SULF2: variants seen among roughly 807,000 people sequenced by gnomAD.
The protein encoded by SULF2 is extracellular sulfatase Sulf-2.
In SULF2, 52 loss-of-function variants were observed where a neutral mutation model predicts 107.7. The ratio of observed to expected loss-of-function variants is 0.48; its 90% confidence interval spans 0.39 to 0.61. The LOEUF is 0.61. Ranked by LOEUF, SULF2 falls within the 20% of genes least tolerant of loss-of-function variation. The pLI is 0.00. For missense variants in SULF2, 993 were observed against 1,177.3 expected (o/e 0.84, Z 2.29); for synonymous variants, 460 against 464.3 (o/e 0.99, Z 0.12).
At chr20:47,691,715 A>G (rs1306775664) in intron 4 of SULF2, among the ~76,000 whole-genome samples, 1 of 152,200 alleles carries the variant, frequency 6.6e-6, no homozygotes, top group East Asian at 1.9e-4. Flanking sequence ...CAGAAATGAT[A>G]TAAGGAGCAG....
intron 2 of SULF2, among the ~76,000 whole-genome samples, chr20:47,752,565 TAAAA>T (rs11319849): frequency 0.045 from 5,968 of 132,128 alleles, 166 homozygotes; most frequent in Non-Finnish European, 0.066. Context: ...AGCCCATCTC[TAAAA>T]AAAAAAAAAA....
chr20:47,785,302 G>A (rs1194040651), intron 1 of SULF2, 41 bp downstream of exon 1: 4 of 42,974 alleles, frequency 9.3e-5, no homozygotes, highest in African/African-American at 3.8e-4. Flanking sequence ...CCCGAGCCCC[G>A]CGTCCCCCAG....
chr20:47,701,035 C>T (rs2088551125), intron 4 of SULF2, among the ~76,000 whole-genome samples: 1 of 152,182 alleles, frequency 6.6e-6, no homozygotes, highest in Non-Finnish European at 1.5e-5. Context: ...CACTAAAAGC[C>T]ATGGACAAAG....
intron 4 of SULF2, among the ~76,000 whole-genome samples, chr20:47,699,065 A>T (rs1034492391): frequency 6.6e-6 from 1 of 152,148 alleles, no homozygotes; most frequent in Non-Finnish European, 1.5e-5. Flanking sequence ...GACTGTAATA[A>T]CTAGCAAGCT....
intron 8 of SULF2, 53 bp from the exon 9 acceptor site, chr20:47,677,187 C>A: frequency 1.3e-6 from 2 of 1,598,772 alleles, no homozygotes; most frequent in Non-Finnish European, 1.7e-6. Flanking sequence ...TTCCCACGAC[C>A]CCCCGTTCCC....
chr20:47,768,050 C>G (rs538820234), intron 1 of SULF2, among the ~76,000 whole-genome samples: 2 of 152,354 alleles, frequency 1.3e-5, no homozygotes, highest in East Asian at 3.9e-4. Flanking sequence ...CACCCCTTGC[C>G]TCAGTGACGG....
chr20:47,687,829 T>A (rs1417189502), intron 5 of SULF2, among the ~76,000 whole-genome samples: 1 of 152,106 alleles, frequency 6.6e-6, no homozygotes, highest in African/African-American at 2.4e-5. Flanking sequence ...TGCTTCAGCC[T>A]TTCCAGTAAC....
At chr20:47,757,730 G>A (rs994202078) in intron 1 of SULF2, among the ~76,000 whole-genome samples, 3 of 152,060 alleles carry the variant, frequency 2.0e-5, no homozygotes, top group Non-Finnish European at 4.4e-5. Flanking sequence ...TGTGTCGGTG[G>A]CAGCCCAAGA....
chr20:47,757,713 C>T (rs1187568320), intron 1 of SULF2, among the ~76,000 whole-genome samples: 1 of 152,090 alleles, frequency 6.6e-6, no homozygotes, highest in African/African-American at 2.4e-5. Context: ...ATCCAGTGAG[C>T]CTCTGATGTG....
intron 18 of SULF2, among the ~76,000 whole-genome samples, chr20:47,661,065 C>T (rs1326673497): frequency 6.6e-6 from 1 of 152,136 alleles, no homozygotes; most frequent in Non-Finnish European, 1.5e-5. Context: ...GGTTAAAACC[C>T]TCCATTGGCT....
At position 47,666,616 on chromosome 20, in the gene SULF2, G is replaced by A. The variant is rs2087283171; in HGVS notation, c.1577-128C>T. ...TGAGGCTCAGCTTTGCCTGCGACTC[G>A]AGGGGTCGTGGAATCTACCCGCCTG... On this transcript the variant is annotated intron_variant, in intron 11 of 20. Transcript: ENST00000688720. The surrounding 1 kb of genome is among the most constrained non-coding windows in gnomAD (Gnocchi z 5.4). The A allele has an allele frequency of 9.5e-6, 7 of 734,974 alleles. No homozygotes were observed. In the South Asian group the frequency reaches 1.2e-4, roughly 13 times the overall value. The allele number at this position is 734,974 out of a possible 1,614,324, so 45.5% of individuals were successfully genotyped here.
chr20:47,721,978 C>T (rs1280667262), intron 3 of SULF2, among the ~76,000 whole-genome samples: 2 of 152,154 alleles, frequency 1.3e-5, no homozygotes, highest in African/African-American at 4.8e-5. Context: ...GGAAAGAGGC[C>T]TCTCTTTCAG....
chr20:47,670,817 TAG>T (rs1435040417), intron 11 of SULF2, among the ~76,000 whole-genome samples: 1 of 136,248 alleles, frequency 7.3e-6, no homozygotes, highest in Non-Finnish European at 1.6e-5. Flanking sequence ...AGTGGGAATA[TAG>T]TTGACACTAC....
chr20:47,727,623 T>C (rs1225044171), intron 3 of SULF2, among the ~76,000 whole-genome samples: 1 of 152,168 alleles, frequency 6.6e-6, no homozygotes, highest in Non-Finnish European at 1.5e-5. Flanking sequence ...CAGCTTCCTC[T>C]TTCCCCGTGG....
At chr20:47,675,380 G>A (rs2087608654) in intron 10 of SULF2, among the ~76,000 whole-genome samples, 1 of 152,190 alleles carries the variant, frequency 6.6e-6, no homozygotes, top group Non-Finnish European at 1.5e-5. Flanking sequence ...CTGTACAACG[G>A]AGGGATGAAA....
chr20:47,707,720 T>C (rs2088794713), intron 3 of SULF2, among the ~76,000 whole-genome samples: 1 of 152,118 alleles, frequency 6.6e-6, no homozygotes, highest in Admixed American at 6.5e-5. Flanking sequence ...AGCAAAGCAG[T>C]ACCCTTAAGG....
intron 5 of SULF2, among the ~76,000 whole-genome samples, chr20:47,688,140 C>T (rs2088076203): frequency 6.6e-6 from 1 of 152,102 alleles, no homozygotes; most frequent in African/African-American, 2.4e-5. Context: ...CATGTGCCGG[C>T]TTTCTAGGGG....
chr20:47,765,998 A>G (rs1050150609), intron 1 of SULF2, among the ~76,000 whole-genome samples: 91 of 152,192 alleles, frequency 6.0e-4, no homozygotes, highest in African/African-American at 2.2e-3. Context: ...GAAGAATCCA[A>G]AGGATTTGGA....
chr20:47,696,604 T>G (rs2088387690), intron 4 of SULF2, among the ~76,000 whole-genome samples: 1 of 152,202 alleles, frequency 6.6e-6, no homozygotes, highest in African/African-American at 2.4e-5. Flanking sequence ...GGGCTTATAT[T>G]CTTATGAGAA....
Sources: gnomAD v4.1 joint callset for allele counts (sites outside exome capture counted in the v4.1 genomes callset) on GRCh38, gnomAD v4.1.1 for gene constraint, Gnocchi (gnomAD v3.1) non-coding constraint, MANE v1.5 for transcripts, NCBI Gene and HGNC (gene_info 2026-07-23, HGNC 2026-07-21) for gene names.